The following SPIDR variants were observed in gnomAD, a reference collection of about 807,000 sequenced individuals.
SPIDR encodes the protein scaffold protein involved in DNA repair.
A neutral mutation model predicts 104.6 loss-of-function variants in SPIDR; 93 were observed. The ratio of observed to expected loss-of-function variants is 0.89; its 90% confidence interval spans 0.75 to 1.06. The LOEUF (loss-of-function observed/expected upper bound fraction) is 1.06, where lower values mean the gene tolerates loss of function less well. Among genes scored for constraint, SPIDR ranks in the 50% least tolerant of loss-of-function variants. SPIDR has a pLI of 0.00. For synonymous variants in SPIDR, 431 were observed against 416.9 expected, an observed-to-expected ratio of 1.03 and a Z score of -0.41; for missense variants, 1,154 against 1,111.2, an observed-to-expected ratio of 1.04 and a Z score of -0.55.
intron 5 of SPIDR, among the ~76,000 whole-genome samples, chr8:47,395,516 G>T (rs2061152398): frequency 6.6e-6 from 1 of 152,168 alleles, no homozygotes; most frequent in South Asian, 2.1e-4. Context: ...AGGATGAATT[G>T]TTGCTGACAC....
chr8:47,731,834 G>A (rs2085295332), intron 19 of SPIDR, among the ~76,000 whole-genome samples: 1 of 152,246 alleles, frequency 6.6e-6, no homozygotes, highest in Non-Finnish European at 1.5e-5. Flanking sequence ...GTTTGAGTAG[G>A]TGCTAAAGGT....
intron 7 of SPIDR, among the ~76,000 whole-genome samples, chr8:47,434,497 A>G (rs1554691058): frequency 6.6e-6 from 1 of 152,216 alleles, no homozygotes; most frequent in Non-Finnish European, 1.5e-5. Flanking sequence ...AGACAGAGCG[A>G]TAATGTAGGA....
chr8:47,536,075 A>T (rs2086853655), intron 8 of SPIDR, among the ~76,000 whole-genome samples: 1 of 126,064 alleles, frequency 7.9e-6, no homozygotes, highest in African/African-American at 2.8e-5. Flanking sequence ...AAAATCAAAC[A>T]GGTATAATCT....
chr8:47,496,656 G>A (rs1016061383), intron 8 of SPIDR, among the ~76,000 whole-genome samples: 1 of 149,110 alleles, frequency 6.7e-6, no homozygotes, highest in African/African-American at 2.5e-5. Flanking sequence ...GAATTTTCTT[G>A]TGATGTCTTT....
intron 1 of SPIDR, among the ~76,000 whole-genome samples, chr8:47,278,536 C>A (rs1287807976): frequency 6.6e-6 from 1 of 151,938 alleles, no homozygotes; most frequent in Non-Finnish European, 1.5e-5. Context: ...GCCTAGGCTG[C>A]TGACTAATTT....
intron 19 of SPIDR, 122 bp downstream of exon 19, chr8:47,729,587 G>A: frequency 2.7e-6 from 3 of 1,111,874 alleles, no homozygotes; most frequent in Non-Finnish European, 2.5e-6. Flanking sequence ...CTAGGAAGTG[G>A]TGTAGACACT....
At chr8:47,551,617 T>C (rs1243164946) in intron 8 of SPIDR, among the ~76,000 whole-genome samples, 2 of 152,184 alleles carry the variant, frequency 1.3e-5, no homozygotes, top group African/African-American at 4.8e-5. Flanking sequence ...GGTGGTGATA[T>C]CCTTTTTATT....
chr8:47,423,839 C>T (rs1435901187), intron 7 of SPIDR, among the ~76,000 whole-genome samples: 6 of 152,100 alleles, frequency 3.9e-5, no homozygotes, highest in Middle Eastern at 3.2e-3. Flanking sequence ...GGGGAAAATA[C>T]GTTCTATTTA....
chr8:47,682,743 G>A (rs1008175459), intron 11 of SPIDR, among the ~76,000 whole-genome samples: 12 of 152,106 alleles, frequency 7.9e-5, no homozygotes, highest in African/African-American at 2.4e-4. Context: ...AAGGAATAGG[G>A]GCTCAAAAAG....
At chr8:47,320,405 T>C (rs935231327) in intron 5 of SPIDR, among the ~76,000 whole-genome samples, 10 of 152,040 alleles carry the variant, frequency 6.6e-5, no homozygotes, top group Non-Finnish European at 1.3e-4. Context: ...CAGAAAGAAG[T>C]TGAATCTCTG....
At chr8:47,592,755 A>G (rs961579422) in intron 8 of SPIDR, 6 of 492,578 alleles carry the variant, frequency 1.2e-5, no homozygotes, top group Non-Finnish European at 2.2e-5. Context: ...ACAATGTTAT[A>G]ATTTTTGTTA....
At chr8:47,721,037 C>T (rs1464902657) in intron 16 of SPIDR, among the ~76,000 whole-genome samples, 6 of 152,192 alleles carry the variant, frequency 3.9e-5, no homozygotes, top group African/African-American at 1.4e-4. Flanking sequence ...GGATTACAGG[C>T]ATGAGCCACC....
At chr8:47,312,273 T>C in intron 5 of SPIDR, among the ~76,000 whole-genome samples, 1 of 152,142 alleles carries the variant, frequency 6.6e-6, no homozygotes. Flanking sequence ...TTTCTAGTTC[T>C]AGATCCCTGA....
Position 47,422,105 on chromosome 8 carries a change from G to A in SPIDR, c.877+14144G>A, listed in dbSNP as rs551401344. Among the ~76,000 whole-genome samples the A allele has an allele frequency of 1.8e-4, 27 of 152,298 alleles. No individual in the cohort carries two copies. The East Asian group carries it at 3.7e-3, about 21-fold the overall frequency. On this transcript the variant is annotated intron_variant, in intron 7 of 19. Transcript: ENST00000297423. Reference sequence around the variant, plus strand: ...TGTCCGTTCTCAGATCTCCAGCTGCGTGCTGGGAGAACCACTACTCTCTTC... The same window carrying A: ...TGTCCGTTCTCAGATCTCCAGCTGCATGCTGGGAGAACCACTACTCTCTTC...
At chr8:47,544,257 TTG>T (rs2088827235) in intron 8 of SPIDR, among the ~76,000 whole-genome samples, 1 of 152,226 alleles carries the variant, frequency 6.6e-6, no homozygotes, top group East Asian at 1.9e-4. Flanking sequence ...TGCTATTTTA[TTG>T]TGAAATTTTG....
chr8:47,531,288 C>G (rs2085950013), intron 8 of SPIDR, among the ~76,000 whole-genome samples: 1 of 152,190 alleles, frequency 6.6e-6, no homozygotes, highest in Non-Finnish European at 1.5e-5. Context: ...GTCACACTGT[C>G]TTCTACCTCT....
At chr8:47,679,151 T>C (rs907123781) in intron 11 of SPIDR, among the ~76,000 whole-genome samples, 2 of 152,212 alleles carry the variant, frequency 1.3e-5, no homozygotes, top group Non-Finnish European at 2.9e-5. Context: ...CTCTGGTGCC[T>C]GTGCCTAGGG....
At chr8:47,294,607 T>G (rs1184196184) in intron 5 of SPIDR, among the ~76,000 whole-genome samples, 1 of 152,108 alleles carries the variant, frequency 6.6e-6, no homozygotes, top group Non-Finnish European at 1.5e-5. Flanking sequence ...CCATCGTTTA[T>G]TACACTGAAA....
intron 8 of SPIDR, among the ~76,000 whole-genome samples, chr8:47,505,329 G>A (rs2154373398): frequency 6.6e-6 from 1 of 152,298 alleles, no homozygotes; most frequent in East Asian, 1.9e-4. Flanking sequence ...CCAAGCCTCA[G>A]CAATGGCGGG....
Sources: gnomAD v4.1 joint callset for allele counts (sites outside exome capture counted in the v4.1 genomes callset) on GRCh38, gnomAD v4.1.1 for gene constraint, MANE v1.5 for transcripts, NCBI Gene and HGNC (gene_info 2026-07-23, HGNC 2026-07-21) for gene names.